The following L1TD1 variants were observed in gnomAD, a reference collection of about 807,000 sequenced individuals.
L1TD1 encodes LINE1 type transposase domain containing 1.
Under a neutral mutation model 25.7 loss-of-function variants are expected in L1TD1, and 26 were observed. The observed-to-expected ratio is 1.01, with a 90% confidence interval of 0.74 to 1.40. The LOEUF (loss-of-function observed/expected upper bound fraction) is 1.40. Ranked by LOEUF, L1TD1 falls within the 40% of genes most tolerant of loss-of-function variation. The pLI, the probability that L1TD1 is intolerant of heterozygous loss-of-function variation, is 0.00. For missense variants in L1TD1, 1,130 were observed against 975.0 expected (o/e 1.16, Z -2.12); for synonymous variants, 421 against 335.6 (o/e 1.25, Z -2.78).
chr1:62,208,390 G>C (rs993154711), intron 3 of L1TD1: 6 of 152,126 alleles, frequency 3.9e-5, no homozygotes, highest in Admixed American at 3.3e-4. Context: ...TCATGTTCTT[G>C]ATCACCTTGT....
intron 3 of L1TD1, chr1:62,208,081 C>CT (rs78001503): frequency 0.13 from 19,394 of 153,222 alleles, 1,511 homozygotes; most frequent in East Asian, 0.21. Flanking sequence ...TTAAAGGGCA[C>CT]TTTTTTTTTC....
chr1:62,200,320 G>A (rs1249886342), intron 2 of L1TD1, among the ~76,000 whole-genome samples: 1 of 152,016 alleles, frequency 6.6e-6, no homozygotes, highest in African/African-American at 2.4e-5. Flanking sequence ...GGTGGAGCCC[G>A]CCACCACGCC....
chr1:62,210,723 A>G lies in L1TD1; in HGVS notation c.1949A>G (p.Asp650Gly), dbSNP rs1173050621. ...SGVLEIENSV[D>G]DLSSRMDILE... ...GTCTTGGAAATTGAAAATTCAGTAG[A>G]TGATCTGAGTAGCAGAATGGACATA... The change falls in exon 4 of 4, where the codon GAT (aspartate) becomes GGT (glycine). Residue 650 changes from aspartate to glycine, a missense_variant. Physicochemically the swap from Asp to Gly is moderately conservative, Grantham distance 94. Coordinates refer to ENST00000498273, the MANE Select transcript of L1TD1 (RefSeq NM_019079.5). 1.3e-6 allele frequency: 2 copies of G among 1,551,686 alleles called. No homozygotes were observed. Among genetic ancestry groups the G allele is most frequent in the Non-Finnish European group, 8.7e-7 (1 of 1,147,008 alleles).
Position 62,207,392 on chromosome 1 carries a change from A to ATAT in L1TD1, c.767_769dup (p.Ile256dup). 2 of 1,551,606 alleles carry ATAT rather than the reference A, an allele frequency of 1.3e-6. No homozygotes were observed. The highest frequency in any genetic ancestry group is 1.7e-6 in the Non-Finnish European group (2 of 1,146,932). ...GCCGACCTTTCATCAGCAACACTGG[A>ATAT]TATTAGTAAGCAATGGAGTAATGTC... On this transcript the variant is annotated inframe_insertion, in exon 3 of 4. Transcript: ENST00000498273.
chr1:62,207,001 A>G lies in L1TD1; in HGVS notation c.373A>G (p.Lys125Glu), dbSNP rs1175032387. ...MVGKIEGENS[K>E]IGDDNENLTF... ...AGGGAAAATAGAAGGAGAAAACTCT[A>G]AAATAGGTGATGATAATGAAAATTT... is the stretch of plus-strand genomic sequence containing the variant. The change falls in exon 3 of 4, where the codon AAA becomes GAA. Residue 125 changes from lysine (K) to glutamate (E), a missense_variant. Coordinates refer to ENST00000498273, the MANE Select transcript of L1TD1 (RefSeq NM_019079.5). 6.2e-7 allele frequency: 1 copy of G among 1,612,996 alleles called. No homozygotes were observed. The highest frequency in any genetic ancestry group is 8.5e-7 in the Non-Finnish European group (1 of 1,179,750).
intron 2 of L1TD1, among the ~76,000 whole-genome samples, chr1:62,205,413 C>CTATATATA (rs1670721431): frequency 3.3e-5 from 1 of 30,490 alleles, no homozygotes; most frequent in Non-Finnish European, 5.5e-5. Flanking sequence ...CTCTCTCTCT[C>CTATATATA]TCTCTATATA....
chr1:62,207,648 AATGTATAAATGTATAAAGCTT>A lies in L1TD1; in HGVS notation c.1008+26_1008+46del, dbSNP rs749760362. On this transcript the variant is annotated intron_variant, in intron 3 of 3. Transcript: ENST00000498273. The stretch of plus-strand genomic sequence containing the variant: ...TTCAAGAAAAAAGGGTAAGCATACA[AATGTATAAATGTATAAAGCTT>A]ATGTATAAATGTAATAGTAGGCATG... The A allele has an allele frequency of 1.2e-5, 18 of 1,499,430 alleles. No individual in the cohort carries two copies. The South Asian group carries it at 2.0e-4, about 17-fold the overall frequency. 92.9% of individuals were successfully genotyped at this position (1,499,430 alleles called of 1,614,324 possible).
At chr1:62,204,547 C>T in intron 2 of L1TD1, among the ~76,000 whole-genome samples, 1 of 151,984 alleles carries the variant, frequency 6.6e-6, no homozygotes. Flanking sequence ...TTTCCTGATT[C>T]AATTTTTATT....
At chr1:62,200,053 G>A (rs1670612104) in intron 2 of L1TD1, among the ~76,000 whole-genome samples, 1 of 151,630 alleles carries the variant, frequency 6.6e-6, no homozygotes, top group African/African-American at 2.4e-5. Flanking sequence ...TTAACCAATG[G>A]GTATGATTCT....
intron 1 of L1TD1, among the ~76,000 whole-genome samples, chr1:62,195,810 G>C (rs80157598): frequency 0.038 from 5,791 of 151,912 alleles, 126 homozygotes; most frequent in East Asian, 0.075. Context: ...AGGCCGAGGC[G>C]GGGGCGGATC....
At chr1:62,209,307 A>C (rs868843332) in intron 3 of L1TD1, among the ~76,000 whole-genome samples, 1 of 85,126 alleles carries the variant, frequency 1.2e-5, no homozygotes, top group Admixed American at 1.2e-4. Context: ...TTTTTTTTTT[A>C]ATTGGGTTTG....
At chr1:62,205,380 T>C (rs1445729250) in intron 2 of L1TD1, among the ~76,000 whole-genome samples, 2 of 79,216 alleles carry the variant, frequency 2.5e-5, no homozygotes, top group Admixed American at 1.5e-4. Context: ...TCTTTCTCTC[T>C]CTCTCTCTTT....
Position 62,207,596 on chromosome 1 carries a change from T to G in L1TD1, c.968T>G (p.Ile323Arg), listed in dbSNP as rs1167716035. The G allele has an allele frequency of 2.5e-5, 39 of 1,542,724 alleles. No individual in the cohort carries two copies. Among genetic ancestry groups the G allele is most frequent in the Non-Finnish European group, 3.2e-5 (37 of 1,144,482 alleles). The change falls in exon 3 of 4, where the codon ATA becomes AGA. Residue 323 changes from isoleucine (I) to arginine (R), a missense_variant. Ile to Arg is a moderately conservative substitution (Grantham distance 97, BLOSUM62 -3). Coordinates refer to ENST00000498273, the MANE Select transcript of L1TD1 (RefSeq NM_019079.5). ...LKDVLPQKEEINQGGRKYGIQ... is the reference protein window; with the variant it reads ...LKDVLPQKEERNQGGRKYGIQ... Reference sequence around the variant, plus strand: ...GATGTACTCCCACAAAAGGAAGAAATAAATCAAGGAGGAAGAAAATATGGA... The same window carrying G: ...GATGTACTCCCACAAAAGGAAGAAAGAAATCAAGGAGGAAGAAAATATGGA...
At chr1:62,197,572 G>T (rs943926085) in intron 2 of L1TD1, among the ~76,000 whole-genome samples, 3 of 151,802 alleles carry the variant, frequency 2.0e-5, no homozygotes, top group Non-Finnish European at 4.4e-5. Context: ...GGCCTCAAGT[G>T]CTCCTGCTGC....
chr1:62,201,156 T>C (rs1481145934), intron 2 of L1TD1, among the ~76,000 whole-genome samples: 1 of 152,166 alleles, frequency 6.6e-6, no homozygotes, highest in Non-Finnish European at 1.5e-5. Context: ...CTGGAACTGC[T>C]GACCTCAGGT....
chr1:62,210,173 A>G lies in L1TD1; in HGVS notation c.1399A>G (p.Thr467Ala). 1.2e-6 allele frequency: 2 copies of G among 1,614,090 alleles called. No homozygotes were observed. Among genetic ancestry groups the G allele is most frequent in the South Asian group, 2.2e-5 (2 of 91,080 alleles). ...TGAGATAACCAGTGATGGCATGGAAACTACTTTCATTGACTCTGTAGAGGA... is the reference window on the plus strand; with the variant it reads ...TGAGATAACCAGTGATGGCATGGAAGCTACTTTCATTGACTCTGTAGAGGA... ...EVEITSDGME[T>A]TFIDSVEDSE... The change falls in exon 4 of 4, where the codon ACT becomes GCT. Residue 467 changes from threonine (T) to alanine (A), a missense_variant. Coordinates refer to ENST00000498273, the MANE Select transcript of L1TD1 (RefSeq NM_019079.5).
rs569008196 is a variant in L1TD1, at chr1:62,203,385, C to T, written c.-110-3134C>T. ...ACCATCCCTATTCCCTACATCCACC[C>T]ACCTACTACCCTTCCCAGGCTCTGG... On this transcript the variant is annotated intron_variant, in intron 2 of 3. Coordinates refer to ENST00000498273, the MANE Select transcript of L1TD1 (RefSeq NM_019079.5). 3.1e-4 allele frequency among the ~76,000 whole-genome samples: 47 copies of T among 152,182 alleles called. No individual in the cohort carries two copies. The South Asian group carries it at 8.9e-3, about 29-fold the overall frequency.
In L1TD1 at chr1:62,207,471, A is replaced by G. The variant is rs543083170; in HGVS notation, c.843A>G (p.Lys281=). The G allele has an allele frequency of 4.5e-6, 7 of 1,551,274 alleles. No homozygotes were observed. Among genetic ancestry groups the G allele is most frequent in the Non-Finnish European group, 6.1e-6 (7 of 1,146,786 alleles). Residue 281 remains lysine (K), a synonymous_variant, in exon 3 of 4, where the codon AAA becomes AAG. Coordinates refer to ENST00000498273, the MANE Select transcript of L1TD1 (RefSeq NM_019079.5). ...DFEPKFLCEV[K]LAFKCDGEIK... ...AACCTAAATTTCTGTGTGAAGTTAA[A>G]TTAGCATTTAAATGTGATGGTGAAA...
At chr1:62,204,208 A>T (rs532674313) in intron 2 of L1TD1, among the ~76,000 whole-genome samples, 37 of 152,084 alleles carry the variant, frequency 2.4e-4, no homozygotes, top group African/African-American at 8.7e-4. Flanking sequence ...AATTCTCTAT[A>T]AGTTTCTGTT....
Sources: gnomAD v4.1 joint callset for allele counts (sites outside exome capture counted in the v4.1 genomes callset) on GRCh38, gnomAD v4.1.1 for gene constraint, MANE v1.5 for transcripts, NCBI Gene and HGNC (gene_info 2026-07-23, HGNC 2026-07-21) for gene names.